Variants in HMCN2 observed in about 807,000 individuals in gnomAD.
HMCN2 encodes the protein hemicentin 2, also known as hemicentin-2.
Under a neutral mutation model 377.5 loss-of-function variants are expected in HMCN2, and 325 were observed. That is an observed-to-expected ratio of 0.86 (90% CI 0.79 to 0.94). The LOEUF is 0.94. HMCN2 is among the 40% of genes least tolerant of loss of function. The pLI is 0.00. For missense variants in HMCN2, 4,543 were observed against 4,725.3 expected, an observed-to-expected ratio of 0.96 and a Z score of 1.13; for synonymous variants, 2,007 against 2,046.8, an observed-to-expected ratio of 0.98 and a Z score of 0.53.
At chr9:130,429,433 G>A (rs1170458609) in intron 93 of HMCN2, 124 bp from the exon 94 acceptor site, 3 of 1,251,114 alleles carry the variant, frequency 2.4e-6, no homozygotes, top group Admixed American at 2.3e-5. Flanking sequence ...CATGCAGCCT[G>A]GTGGCACTGA....
At chr9:130,387,609 T>C (rs550175805) in intron 61 of HMCN2, among the ~76,000 whole-genome samples, 38 of 152,334 alleles carry the variant, frequency 2.5e-4, no homozygotes, top group African/African-American at 7.9e-4. Context: ...CACTGGGAAA[T>C]GTAGTTTCTG....
At chr9:130,433,138 C>T (rs1844863906) in intron 97 of HMCN2, 1 of 489,160 alleles carries the variant, frequency 2.0e-6, no homozygotes, top group African/African-American at 2.0e-5. Context: ...AAAGGGCAGG[C>T]CTCTGGCTTC....
chr9:130,395,143 G>GC, intron 70 of HMCN2, 35 bp downstream of exon 70: 6 of 1,046,382 alleles, frequency 5.7e-6, no homozygotes, highest in Non-Finnish European at 7.7e-6. Context: ...GCAGGGCCGG[G>GC]AGGCAGGACG....
intron 85 of HMCN2, among the ~76,000 whole-genome samples, chr9:130,417,066 C>T (rs1435672933): frequency 6.6e-6 from 1 of 151,754 alleles, no homozygotes; most frequent in African/African-American, 2.4e-5. Flanking sequence ...CACAGACCAC[C>T]ACACCTGGCT....
At chr9:130,275,370 TG>T (rs1588154297) in intron 1 of HMCN2, among the ~76,000 whole-genome samples, 1 of 152,366 alleles carries the variant, frequency 6.6e-6, no homozygotes, top group East Asian at 1.9e-4. Flanking sequence ...CTGGAACGGC[TG>T]GGACTCTGGT....
intron 86 of HMCN2, among the ~76,000 whole-genome samples, chr9:130,421,479 T>C (rs1050331556): frequency 2.6e-5 from 4 of 152,136 alleles, no homozygotes; most frequent in Non-Finnish European, 5.9e-5. Flanking sequence ...CCTGGCCTTG[T>C]AGGGGGACAA....
At chr9:130,410,943 A>G (rs1185547493) in intron 85 of HMCN2, among the ~76,000 whole-genome samples, 1 of 152,190 alleles carries the variant, frequency 6.6e-6, no homozygotes, top group African/African-American at 2.4e-5. Flanking sequence ...AGCAGCTCGT[A>G]GTTTACCAGG....
Position 130,375,696 on chromosome 9 carries a change from G to A in HMCN2, c.7764G>A (p.Gly2588=), listed in dbSNP as rs960737055. ...PSPNITWMKD[G]APFEASRNIQ... ...CCAACATCACCTGGATGAAGGACGG[G>A]GCCCCGTTTGAGGCCTCCAGGAACA... Residue 2588 remains glycine, a synonymous_variant, in exon 50 of 98, where the codon GGG becomes GGA. Coordinates refer to ENST00000683500, the MANE Select transcript of HMCN2 (RefSeq NM_001291815.2). 1.2e-5 allele frequency: 12 copies of A among 985,932 alleles called. No individual in the cohort carries two copies. The highest frequency in any genetic ancestry group is 1.4e-5 in the Non-Finnish European group (12 of 829,992). 61.1% of individuals were successfully genotyped at this position (985,932 alleles called of 1,614,324 possible).
intron 1 of HMCN2, among the ~76,000 whole-genome samples, chr9:130,272,224 TTA>T (rs1554921359): frequency 1.3e-4 from 20 of 149,182 alleles, no homozygotes; most frequent in African/African-American, 4.6e-4. Context: ...TTCTTCTTTT[TTA>T]AAAAAAATAA....
At chr9:130,389,062 C>T (rs529187747) in intron 62 of HMCN2, among the ~76,000 whole-genome samples, 6 of 152,316 alleles carry the variant, frequency 3.9e-5, no homozygotes, top group Admixed American at 3.3e-4. Context: ...GCAGGCTCCA[C>T]GTGGGGCAGA....
chr9:130,293,316 C>CTTTTTTTTTT (rs1588186560), intron 4 of HMCN2, among the ~76,000 whole-genome samples: 2 of 30,362 alleles, frequency 6.6e-5, no homozygotes, highest in Admixed American at 4.9e-4. Flanking sequence ...TCTTGTTGTC[C>CTTTTTTTTTT]TCCTACTGAG....
At chr9:130,283,799 G>A (rs1187040645) in intron 1 of HMCN2, among the ~76,000 whole-genome samples, 1 of 152,166 alleles carries the variant, frequency 6.6e-6, no homozygotes, top group African/African-American at 2.4e-5. Context: ...TTACCAGTTT[G>A]TTTATCTCTC....
Position 130,382,265 on chromosome 9 carries a change from A to G in HMCN2, c.8513A>G (p.Glu2838Gly). Residue 2838 changes from glutamate to glycine, a missense_variant, in exon 55 of 98, where the codon GAG becomes GGG. Glu to Gly is a moderately conservative substitution (Grantham distance 98, BLOSUM62 -2). Coordinates refer to ENST00000683500, the MANE Select transcript of HMCN2 (RefSeq NM_001291815.2). ...TGCAAGGCCTCCAACGAGGTGGGCG[A>G]GGACTGGCTGCACTACGAGCTGCTG... ...YSCKASNEVG[E>G]DWLHYELLVL... 14 of 985,830 alleles carry G rather than the reference A, an allele frequency of 1.4e-5. No homozygotes were observed. The highest frequency in any genetic ancestry group is 1.7e-5 in the Non-Finnish European group (14 of 829,938). The allele number at this position is 985,830 out of a possible 1,614,324, so 61.1% of individuals were successfully genotyped here.
Position 130,305,065 on chromosome 9 carries a change from A to G in HMCN2, c.1816+63A>G, listed in dbSNP as rs139605120. 2.3e-3 allele frequency: 1,020 copies of G among 436,604 alleles called. 7 individuals are homozygous for G. The highest frequency in any genetic ancestry group is 0.019 in the African/African-American group (935 of 49,694). The allele number at this position is 436,604 out of a possible 1,614,324, so 27.0% of individuals were successfully genotyped here. A position where few individuals can be genotyped will look rare whatever the true frequency, so the allele number is the denominator to read the frequency against. Reference sequence around the variant, plus strand: ...ACACGTGACCTGGTGTTTACCCCAGAAGCCGCGAGTCCTTCCCTCTGCTCA... The same window carrying G: ...ACACGTGACCTGGTGTTTACCCCAGGAGCCGCGAGTCCTTCCCTCTGCTCA... On this transcript the variant is annotated intron_variant, in intron 11 of 97. Transcript: ENST00000683500.
At chr9:130,399,431 G>C (rs1052355023) in intron 75 of HMCN2, 80 bp from the exon 76 acceptor site, 2 of 1,176,672 alleles carry the variant, frequency 1.7e-6, no homozygotes, top group African/African-American at 3.2e-5. Context: ...GGAAATGGGC[G>C]TGAGACCCCC....
intron 4 of HMCN2, among the ~76,000 whole-genome samples, chr9:130,288,192 C>T (rs1463414369): frequency 2.0e-5 from 3 of 152,154 alleles, no homozygotes; most frequent in Admixed American, 6.5e-5. Flanking sequence ...GGGGGCCACT[C>T]GCCCAGGTGT....
At chr9:130,374,991 C>T (rs558724079) in intron 49 of HMCN2, among the ~76,000 whole-genome samples, 1 of 152,290 alleles carries the variant, frequency 6.6e-6, no homozygotes, top group East Asian at 1.9e-4. Context: ...TGCCAGGCCC[C>T]AGGGTGGTGG....
Position 130,396,081 on chromosome 9 carries a change from C to T in HMCN2, c.11053+16C>T. On this transcript the variant is annotated intron_variant, in intron 72 of 97. Transcript: ENST00000683500. ...GAGATCCACAGTGAGTAGGGCCCGC[C>T]CCACCCCACCCTGCCCACCTTACCC... is the stretch of plus-strand genomic sequence containing the variant. The T allele has an allele frequency of 9.5e-7, 1 of 1,054,006 alleles. No homozygotes were observed. The highest frequency in any genetic ancestry group is 1.3e-6 in the Non-Finnish European group (1 of 786,474). The allele number at this position is 1,054,006 out of a possible 1,614,324, so 65.3% of individuals were successfully genotyped here.
chr9:130,396,514 G>T (rs74485877), intron 73 of HMCN2, among the ~76,000 whole-genome samples: 1 of 152,112 alleles, frequency 6.6e-6, no homozygotes, highest in Non-Finnish European at 1.5e-5. Flanking sequence ...TAGATGGGGC[G>T]GGGTAGAGGG....
Sources: gnomAD v4.1 joint callset for allele counts (sites outside exome capture counted in the v4.1 genomes callset) on GRCh38, gnomAD v4.1.1 for gene constraint, MANE v1.5 for transcripts, NCBI Gene and HGNC (gene_info 2026-07-23, HGNC 2026-07-21) for gene names.